TCEA1: variants seen among roughly 807,000 people sequenced by gnomAD.
TCEA1 encodes the protein transcription elongation factor A1.
TCEA1 carries 21 observed loss-of-function variants against 43.8 expected under a neutral mutation model. That is an observed-to-expected ratio of 0.48 (90% CI 0.34 to 0.69). The LOEUF (loss-of-function observed/expected upper bound fraction) is 0.69, where lower values mean the gene tolerates loss of function less well. Ranked by LOEUF, TCEA1 falls within the 30% of genes least tolerant of loss-of-function variation. The pLI is 0.01. For missense variants in TCEA1, 250 were observed against 365.1 expected, an observed-to-expected ratio of 0.68 and a Z score of 2.57; for synonymous variants, 104 against 117.5, an observed-to-expected ratio of 0.88 and a Z score of 0.75.
chr8:54,014,177 A>ACCCTTAT (rs1804747128), intron 1 of TCEA1, among the ~76,000 whole-genome samples: 1 of 152,220 alleles, frequency 6.6e-6, no homozygotes, highest in Non-Finnish European at 1.5e-5. Context: ...TAAGGTCATG[A>ACCCTTAT]ACTAGTCGCC....
chr8:53,994,199 G>C (rs1255972117), intron 3 of TCEA1, among the ~76,000 whole-genome samples: 2 of 152,072 alleles, frequency 1.3e-5, no homozygotes, highest in African/African-American at 4.8e-5. Flanking sequence ...ACAAAAATTA[G>C]CCGGGCGTGG....
chr8:54,007,561 G>A (rs570344934), intron 2 of TCEA1, among the ~76,000 whole-genome samples: 2 of 152,198 alleles, frequency 1.3e-5, no homozygotes, highest in African/African-American at 2.4e-5. Flanking sequence ...TACAATGTAA[G>A]TAAACTGAAG....
chr8:54,003,022 T>C (rs541379498), intron 2 of TCEA1: 2 of 456,236 alleles, frequency 4.4e-6, no homozygotes, highest in African/African-American at 4.0e-5. Context: ...TTTGGTGTGC[T>C]CCAGAAGAAA....
chr8:54,000,330 G>C (rs546143964), intron 2 of TCEA1, among the ~76,000 whole-genome samples: 1 of 152,156 alleles, frequency 6.6e-6, no homozygotes, highest in East Asian at 1.9e-4. Flanking sequence ...TTCCACAAGG[G>C]AGAAGTGAAG....
chr8:53,970,270 G>A, intron 9 of TCEA1, 122 bp downstream of exon 9: 1 of 764,208 alleles, frequency 1.3e-6, no homozygotes, highest in Non-Finnish European at 2.4e-6. Context: ...GGGAGTACAA[G>A]AGTACTGTAT....
intron 2 of TCEA1, among the ~76,000 whole-genome samples, chr8:54,004,148 G>A (rs1381093014): frequency 6.6e-6 from 1 of 152,142 alleles, no homozygotes; most frequent in African/African-American, 2.4e-5. Flanking sequence ...TGTTTGCAAG[G>A]ATGCAGAGAA....
At chr8:53,999,790 T>C in intron 3 of TCEA1, 155 bp downstream of exon 3, 1 of 564,248 alleles carries the variant, frequency 1.8e-6, no homozygotes, top group Non-Finnish European at 3.1e-6. Context: ...AAAGATCAAA[T>C]TAACTCCCCT....
intron 1 of TCEA1, 89 bp downstream of exon 1, chr8:54,021,974 A>C: frequency 8.8e-7 from 1 of 1,139,488 alleles, no homozygotes; most frequent in Non-Finnish European, 1.1e-6. Flanking sequence ...CTGCAGGGGG[A>C]GGGGAGGGAG....
chr8:54,001,840 G>A (rs540771832), intron 2 of TCEA1, among the ~76,000 whole-genome samples: 3 of 152,062 alleles, frequency 2.0e-5, no homozygotes, highest in African/African-American at 7.2e-5. Context: ...GGAAGAGATT[G>A]TCAAGCCAAA....
intron 2 of TCEA1, among the ~76,000 whole-genome samples, chr8:54,006,890 T>A (rs1586029534): frequency 6.6e-6 from 1 of 152,156 alleles, no homozygotes. Context: ...CAGGCTGGGG[T>A]GCAGTGGCGC....
intron 2 of TCEA1, among the ~76,000 whole-genome samples, chr8:54,005,868 T>A (rs1009797844): frequency 2.0e-5 from 3 of 152,208 alleles, no homozygotes; most frequent in Non-Finnish European, 2.9e-5. Flanking sequence ...GCATCACATA[T>A]GAAGCCCTGC....
In TCEA1 at chr8:53,970,380, G is replaced by C. The variant is rs762675862; in HGVS notation, c.897+12C>G. The C allele has an allele frequency of 6.3e-7, 1 of 1,574,872 alleles. No homozygotes were observed. On this transcript the variant is annotated intron_variant, in intron 9 of 9. Coordinates refer to ENST00000521604, the MANE Select transcript of TCEA1 (RefSeq NM_006756.4). The stretch of plus-strand genomic sequence containing the variant: ...AAGTGAGTATATAATATGAATCCAA[G>C]AGAGTCCATACCTTCCATCGATTTC...
intron 4 of TCEA1, among the ~76,000 whole-genome samples, chr8:53,992,494 C>T (rs1254489269): frequency 2.0e-5 from 3 of 152,048 alleles, no homozygotes; most frequent in African/African-American, 4.8e-5. Flanking sequence ...CCTGTAATCC[C>T]AGCTACTTGG....
At chr8:54,003,366 A>G (rs141553647) in intron 2 of TCEA1, among the ~76,000 whole-genome samples, 1 of 152,326 alleles carries the variant, frequency 6.6e-6, no homozygotes, top group African/African-American at 2.4e-5. Flanking sequence ...TGACAAGCGT[A>G]CCCTAAAGTC....
intron 2 of TCEA1, among the ~76,000 whole-genome samples, chr8:54,002,494 G>A (rs1199124556): frequency 6.6e-6 from 1 of 150,508 alleles, no homozygotes; most frequent in Non-Finnish European, 1.5e-5. Flanking sequence ...AAAAAGAAAT[G>A]AAGCTGCTGA....
At chr8:53,996,410 G>A (rs1057277459) in intron 3 of TCEA1, among the ~76,000 whole-genome samples, 4 of 152,218 alleles carry the variant, frequency 2.6e-5, no homozygotes, top group South Asian at 4.1e-4. Flanking sequence ...ATAAAATGGA[G>A]ATTATAATAG....
intron 2 of TCEA1, 141 bp from the exon 3 acceptor site, chr8:54,000,191 A>G: frequency 1.8e-6 from 1 of 570,900 alleles, no homozygotes; most frequent in Non-Finnish European, 3.1e-6. Flanking sequence ...TTATAATAGC[A>G]AATTATATTA....
chr8:53,985,393 C>T (rs543377981), intron 6 of TCEA1, among the ~76,000 whole-genome samples: 1 of 152,304 alleles, frequency 6.6e-6, no homozygotes, highest in East Asian at 1.9e-4. Flanking sequence ...AACTCAAGTA[C>T]TCAACATGAG....
At chr8:54,003,111 T>C (rs529400859) in intron 2 of TCEA1, 2 of 456,236 alleles carry the variant, frequency 4.4e-6, no homozygotes, top group Admixed American at 2.3e-5. Flanking sequence ...AAAAAACATA[T>C]AGCTACTGTA....
Sources: gnomAD v4.1 joint callset for allele counts (sites outside exome capture counted in the v4.1 genomes callset) on GRCh38, gnomAD v4.1.1 for gene constraint, MANE v1.5 for transcripts, NCBI Gene and HGNC (gene_info 2026-07-23, HGNC 2026-07-21) for gene names.